CEBPZ: variants seen among roughly 807,000 people sequenced by gnomAD.
The protein encoded by CEBPZ is CCAAT enhancer binding protein zeta, also known as CCAAT/enhancer-binding protein zeta.
Under a neutral mutation model 104.5 loss-of-function variants are expected in CEBPZ, and 78 were observed. The ratio of observed to expected loss-of-function variants is 0.75; its 90% CI spans 0.62 to 0.90. CEBPZ has a LOEUF of 0.90. Among genes scored for constraint, CEBPZ ranks in the 40% least tolerant of loss-of-function variants. The pLI is 0.00. For missense variants in CEBPZ, 1,439 were observed against 1,233.5 expected, an observed-to-expected ratio of 1.17 and a Z score of -2.50; for synonymous variants, 470 against 427.0, an observed-to-expected ratio of 1.10 and a Z score of -1.24.
At chr2:37,223,450 C>A in intron 2 of CEBPZ, 49 bp from the exon 3 acceptor site, 1 of 1,487,774 alleles carries the variant, frequency 6.7e-7, no homozygotes, top group Non-Finnish European at 9.3e-7. Context: ...ACCATCTCCA[C>A]AACCAATGGT....
In CEBPZ at chr2:37,228,151, G is replaced by T. The variant is rs746230409; in HGVS notation, c.1042C>A (p.Gln348Lys). 6 of 1,614,178 alleles carry T rather than the reference G, an allele frequency of 3.7e-6. No homozygotes were observed. The highest frequency in any genetic ancestry group is 4.2e-6 in the Non-Finnish European group (5 of 1,180,026). ...TCATGACTTAAAGTTTCTAAGACCTGCACAAATTCAGCCACTAAGTGTTTC... is the reference window on the plus strand; with the variant it reads ...TCATGACTTAAAGTTTCTAAGACCTTCACAAATTCAGCCACTAAGTGTTTC... ...QLKHLVAEFV[Q>K]VLETLSHDTL... Residue 348 changes from glutamine (Q) to lysine (K), a missense_variant, in exon 2 of 16, where the codon CAG (glutamine) becomes AAG (lysine). Gln to Lys is a moderately conservative substitution (Grantham distance 53, BLOSUM62 1). Coordinates refer to ENST00000234170, the MANE Select transcript of CEBPZ (RefSeq NM_005760.3).
Position 37,203,027 on chromosome 2 carries a change from C to G in CEBPZ, c.2885-19G>C. Reference sequence around the variant, plus strand: ...CTTGGCCCTAAAAAAAATTGTAAGTCTACATTATTCAATTATAAATCTAAT... The same window carrying G: ...CTTGGCCCTAAAAAAAATTGTAAGTGTACATTATTCAATTATAAATCTAAT... On this transcript the variant is annotated intron_variant, in intron 13 of 15. Transcript: ENST00000234170. The G allele has an allele frequency of 6.9e-7, 1 of 1,446,612 alleles. No homozygotes were observed. Among genetic ancestry groups the G allele is most frequent in the East Asian group, 2.4e-5 (1 of 42,254 alleles). The allele number at this position is 1,446,612 out of a possible 1,614,324, so 89.6% of individuals were successfully genotyped here.
rs772084918 is a variant in CEBPZ at position 37,228,967 on chromosome 2, T to C, written c.226A>G (p.Ile76Val). 11 of 1,602,366 alleles carry C rather than the reference T, an allele frequency of 6.9e-6. No homozygotes were observed. The highest frequency in any genetic ancestry group is 2.2e-5 in the East Asian group (1 of 44,676). The change falls in exon 2 of 16, where the codon ATC (isoleucine) becomes GTC (valine). Residue 76 changes from isoleucine to valine, a missense_variant. Physicochemically the swap from Ile to Val is conservative, Grantham distance 29. Coordinates refer to ENST00000234170, the MANE Select transcript of CEBPZ (RefSeq NM_005760.3). ...EVIDGGKKGA[I>V]DDLQQGELEA... ...AATTCACCTTGCTGAAGGTCATCGA[T>C]TGCTCCTTTTTTGCCTCCATCTATC...
At chr2:37,205,404 T>C (rs1042807736) in intron 13 of CEBPZ, among the ~76,000 whole-genome samples, 2 of 152,170 alleles carry the variant, frequency 1.3e-5, no homozygotes, top group Non-Finnish European at 2.9e-5. Context: ...TCATCCTGGC[T>C]CAAAAGCTCC....
At chr2:37,227,138 G>A (rs1413371678) in intron 2 of CEBPZ, among the ~76,000 whole-genome samples, 1 of 152,212 alleles carries the variant, frequency 6.6e-6, no homozygotes, top group Admixed American at 6.5e-5. Context: ...ATTCAACTGT[G>A]TGAAAGACAG....
In CEBPZ at chr2:37,202,786, G is replaced by C; in HGVS notation, c.3023C>G (p.Ala1008Gly). 1 of 1,551,434 alleles carries C rather than the reference G, an allele frequency of 6.4e-7. No homozygotes were observed. The highest frequency in any genetic ancestry group is 8.7e-7 in the Non-Finnish European group (1 of 1,147,820). The change falls in exon 15 of 16, where the codon GCA becomes GGA. Residue 1008 changes from alanine to glycine, a missense_variant and splice_region_variant. Transcript: ENST00000234170. ...ATAAAAAAATTTAAGTTACTTACTT[G>C]CATTATCTTTGTTAGCCATGGCATT... ...GMNAMANKDN[A>G]SLKQLRWEAE... is the part of the protein sequence containing the mutation.
chr2:37,215,228 T>TC (rs1677840756), intron 8 of CEBPZ: 1 of 261,838 alleles, frequency 3.8e-6, no homozygotes. Flanking sequence ...CTCTTACTGT[T>TC]CTTCATTTGC....
intron 4 of CEBPZ, among the ~76,000 whole-genome samples, chr2:37,221,783 C>T (rs4670678): frequency 0.69 from 104,397 of 152,044 alleles, 36,318 homozygotes; most frequent in East Asian, 0.98. Context: ...CCAAAGCAAG[C>T]TGAAGAAATG....
chr2:37,230,900 A>G (rs1665059681), intron 1 of CEBPZ, among the ~76,000 whole-genome samples: 1 of 152,014 alleles, frequency 6.6e-6, no homozygotes, highest in Non-Finnish European at 1.5e-5. Flanking sequence ...CCCACTCCTT[A>G]TCGTCCTTCC....
At chr2:37,207,508 AACTATATACAAAT>A in intron 13 of CEBPZ, among the ~76,000 whole-genome samples, 2 of 152,324 alleles carry the variant, frequency 1.3e-5, no homozygotes, top group Middle Eastern at 6.8e-3. Context: ...GAACCCTCAA[AACTATATACAAAT>A]ACATGGAAAT....
intron 1 of CEBPZ, among the ~76,000 whole-genome samples, chr2:37,230,231 G>A (rs192506683): frequency 1.3e-5 from 2 of 152,292 alleles, no homozygotes; most frequent in African/African-American, 4.8e-5. Context: ...AAAGCAAAAT[G>A]TAGAGATAGG....
rs765393705 is a variant in CEBPZ at position 37,212,052 on chromosome 2, AC to A, written c.2604-14del. Reference sequence around the variant, plus strand: ...CTTTTTCACGTTTCTGGAAAAAAACACAACTTGTAATACAAGAGGAGGCAGT... The same window carrying A: ...CTTTTTCACGTTTCTGGAAAAAAACAAACTTGTAATACAAGAGGAGGCAGT... On this transcript the variant is annotated splice_polypyrimidine_tract_variant and intron_variant, in intron 11 of 15. Coordinates refer to ENST00000234170, the MANE Select transcript of CEBPZ (RefSeq NM_005760.3). 1 of 1,571,124 alleles carries A rather than the reference AC, an allele frequency of 6.4e-7. No individual in the cohort carries two copies. Among genetic ancestry groups the A allele is most frequent in the South Asian group, 1.2e-5 (1 of 82,852 alleles).
At chr2:37,229,648 C>T (rs1389637883) in intron 1 of CEBPZ, among the ~76,000 whole-genome samples, 1 of 152,168 alleles carries the variant, frequency 6.6e-6, no homozygotes, top group East Asian at 1.9e-4. Context: ...AATTTGTCAA[C>T]TCCAATCACA....
chr2:37,207,688 A>G (rs1677585010), intron 13 of CEBPZ, among the ~76,000 whole-genome samples: 1 of 152,220 alleles, frequency 6.6e-6, no homozygotes, highest in Admixed American at 6.5e-5. Context: ...TTAAATGTCT[A>G]CATCAAAAAG....
intron 1 of CEBPZ, among the ~76,000 whole-genome samples, chr2:37,229,517 AAAGATACACTGCAAGATGAGC>A (rs1316567523): frequency 6.6e-6 from 1 of 152,240 alleles, no homozygotes; most frequent in Admixed American, 6.5e-5. Context: ...TCAGATGAGC[AAAGATACACTGCAAGATGAGC>A]AAGATACAAT....
intron 13 of CEBPZ, among the ~76,000 whole-genome samples, chr2:37,207,980 C>T (rs1246945424): frequency 6.6e-6 from 1 of 152,064 alleles, no homozygotes; most frequent in East Asian, 1.9e-4. Flanking sequence ...ACAACCGATA[C>T]CACAGAAATA....
intron 5 of CEBPZ, among the ~76,000 whole-genome samples, chr2:37,218,162 G>A (rs1212046845): frequency 2.0e-5 from 3 of 151,854 alleles, no homozygotes; most frequent in Non-Finnish European, 4.4e-5. Context: ...AGCTACTCGG[G>A]AGGCTGAGGC....
intron 10 of CEBPZ, 73 bp from the exon 11 acceptor site, chr2:37,212,465 AT>A (rs1553350009): frequency 1.0e-4 from 129 of 1,268,666 alleles, no homozygotes; most frequent in Non-Finnish European, 1.4e-4. Context: ...ATCTGAATCA[AT>A]TATTCTAAGT....
chr2:37,224,436 C>T lies in CEBPZ; in HGVS notation c.1650-1035G>A, dbSNP rs1260698049. On this transcript the variant is annotated intron_variant, in intron 2 of 15. Coordinates refer to ENST00000234170, the MANE Select transcript of CEBPZ (RefSeq NM_005760.3). The stretch of plus-strand genomic sequence containing the variant: ...TTCCATTAATTTTTTCCTACTAACA[C>T]TAGAAATGAAAAATACTTAAGCTTG... 2.0e-5 allele frequency among the ~76,000 whole-genome samples: 3 copies of T among 152,204 alleles called. No individual in the cohort carries two copies. The East Asian group carries it at 5.8e-4, about 29-fold the overall frequency.
Sources: allele counts gnomAD v4.1 joint callset (sites outside exome capture counted in the v4.1 genomes callset), GRCh38; gene constraint gnomAD v4.1.1; transcripts MANE v1.5; gene names NCBI Gene and HGNC (gene_info 2026-07-23, HGNC 2026-07-21).